The following UACA variants were observed in gnomAD, a reference collection of about 807,000 sequenced individuals.
The protein encoded by UACA is uveal autoantigen with coiled-coil domains and ankyrin repeats.
A neutral mutation model predicts 160.5 loss-of-function variants in UACA; 112 were observed. The ratio of observed to expected loss-of-function variants is 0.70; its 90% CI spans 0.60 to 0.82. The LOEUF (loss-of-function observed/expected upper bound fraction) is 0.82, where lower values mean the gene tolerates loss of function less well. UACA is among the 40% of genes least tolerant of loss of function. The pLI, the probability that UACA is intolerant of heterozygous loss-of-function variation, is 0.00. For missense variants in UACA, 1,574 were observed against 1,614.6 expected (o/e 0.97, Z 0.43); for synonymous variants, 557 against 568.4 (o/e 0.98, Z 0.29).
At chr15:70,702,244 A>G in intron 1 of UACA, 2 of 1,076,778 alleles carry the variant, frequency 1.9e-6, no homozygotes, top group Non-Finnish European at 2.3e-6. Flanking sequence ...CCCCACTGGA[A>G]AACTTGAACA....
chr15:70,670,687 A>AT (rs1897106787), intron 15 of UACA, among the ~76,000 whole-genome samples: 2 of 151,978 alleles, frequency 1.3e-5, no homozygotes. Context: ...AAAAAAAAAA[A>AT]CCAAAAAATT....
rs986340483 is a variant in UACA, at chr15:70,655,706, G to A, written c.*1350C>T. 1.3e-5 allele frequency: 2 copies of A among 152,120 alleles called. No homozygotes were observed. Among genetic ancestry groups the A allele is most frequent in the Non-Finnish European group, 2.9e-5 (2 of 67,974 alleles). The allele number at this position is 152,120 out of a possible 1,614,324, so 9.4% of individuals were successfully genotyped here. A position where few individuals can be genotyped will look rare whatever the true frequency, so the allele number is the denominator to read the frequency against. On this transcript the variant is annotated 3_prime_UTR_variant, in exon 19 of 19. Transcript: ENST00000322954. Reference sequence around the variant, plus strand: ...TGACTTTCAATGTTGTTTCAACACCGAAAAAATATGATGGCTTATTCTTTG... The same window carrying A: ...TGACTTTCAATGTTGTTTCAACACCAAAAAAATATGATGGCTTATTCTTTG...
chr15:70,706,251 A>C lies in UACA; in HGVS notation c.79-6591T>G, dbSNP rs571424268. On this transcript the variant is annotated intron_variant, in intron 1 of 18. Transcript: ENST00000322954. ...TCCTTTCATGGTAAAAATACCCAAA[A>C]AACTGTGACTAGAAGGAAACTGCCT... Among the ~76,000 whole-genome samples the C allele has an allele frequency of 3.3e-5, 5 of 152,224 alleles. No homozygotes were observed. In the South Asian group the frequency reaches 1.0e-3, roughly 32 times the overall value.
rs749916402 is a variant in UACA at position 70,657,146 on chromosome 15, G to A, written c.4180-19C>T. On this transcript the variant is annotated intron_variant, in intron 18 of 18. Coordinates refer to ENST00000322954, the MANE Select transcript of UACA (RefSeq NM_018003.4). Reference sequence around the variant, plus strand: ...TGTGACCCTTCGGAGAAAGAAGAAAGAGGAGCATTATTTTATGTCATCTTT... The same window carrying A: ...TGTGACCCTTCGGAGAAAGAAGAAAAAGGAGCATTATTTTATGTCATCTTT... 1.2e-5 allele frequency: 20 copies of A among 1,603,660 alleles called. 3 individuals carry two copies. In the South Asian group the frequency reaches 1.9e-4, roughly 15 times the overall value.
At chr15:70,777,743 C>T in the UACA span, among the ~76,000 whole-genome samples, 2 of 152,146 alleles carry the variant, frequency 1.3e-5, no homozygotes, top group Non-Finnish European at 2.9e-5. Flanking sequence ...AAAAGTGACT[C>T]ATTGGCTTTA....
intron 11 of UACA, 70 bp downstream of exon 11, chr15:70,678,029 G>T: frequency 8.4e-7 from 1 of 1,189,994 alleles, no homozygotes; most frequent in Non-Finnish European, 1.2e-6. Context: ...ACCTTCTTTA[G>T]CACAATCATT....
rs1897004909 is a variant in UACA, at chr15:70,668,272, T to A, written c.2412A>T (p.Val804=). The A allele has an allele frequency of 6.2e-7, 1 of 1,613,412 alleles. No individual in the cohort carries two copies. Among genetic ancestry groups the A allele is most frequent in the African/African-American group, 1.3e-5 (1 of 74,910 alleles). ...TCTCTTTTTCATGTTTCTCAGGAGGTACAAACACAGTTTCTAGGCGGCTTA... is the reference window on the plus strand; with the variant it reads ...TCTCTTTTTCATGTTTCTCAGGAGGAACAAACACAGTTTCTAGGCGGCTTA... ...KDVSRLETVF[V]PPEKHEKEII... Residue 804 remains valine, a synonymous_variant, in exon 16 of 19, where the codon GTA becomes GTT. Coordinates refer to ENST00000322954, the MANE Select transcript of UACA (RefSeq NM_018003.4).
Position 70,718,028 on chromosome 15 carries a change from T to TACACACACACACACAC in UACA, c.79-18384_79-18369dup, listed in dbSNP as rs140483075. ...CAATTCCTTAAAATAAATTTCTTTA[T>TACACACACACACACAC]ACACACACACACACACACACACACA... On this transcript the variant is annotated intron_variant, in intron 1 of 18. Transcript: ENST00000322954. Among the ~76,000 whole-genome samples, 671 of 142,644 alleles carry TACACACACACACACAC rather than the reference T, an allele frequency of 4.7e-3. 5 individuals carry two copies. Among genetic ancestry groups the TACACACACACACACAC allele is most frequent in the African/African-American group, 0.017 (637 of 37,818 alleles). 93.6% of individuals were successfully genotyped at this position (142,644 alleles called of 152,430 possible).
At chr15:70,659,504 T>C (rs1896625045) in intron 18 of UACA, among the ~76,000 whole-genome samples, 1 of 150,728 alleles carries the variant, frequency 6.6e-6, no homozygotes, top group Non-Finnish European at 1.5e-5. Context: ...TTGTTTCTTT[T>C]AGTACATTTT....
intron 1 of UACA, among the ~76,000 whole-genome samples, chr15:70,742,468 C>G (rs1899566079): frequency 6.6e-6 from 1 of 152,170 alleles, no homozygotes; most frequent in Non-Finnish European, 1.5e-5. Flanking sequence ...TTTTTCACAT[C>G]TAACACTTGA....
chr15:70,740,191 A>C (rs1899486642), intron 1 of UACA, among the ~76,000 whole-genome samples: 2 of 152,144 alleles, frequency 1.3e-5, no homozygotes, highest in Admixed American at 1.3e-4. Context: ...AATACTGTGA[A>C]TCTTATAATA....
intron 17 of UACA, chr15:70,660,928 G>A (rs895420627): frequency 5.9e-5 from 9 of 152,054 alleles, no homozygotes; most frequent in African/African-American, 1.7e-4. Context: ...TTTATCACAG[G>A]TATGTATATC....
upstream of UACA, chr15:70,763,624 C>T: frequency 2.2e-6 from 2 of 921,700 alleles, no homozygotes; most frequent in Non-Finnish European, 2.8e-6. Context: ...GCGTGGCAAA[C>T]CGCGACCAAT....
chr15:70,769,219 G>A, the UACA span, among the ~76,000 whole-genome samples: 14 of 151,172 alleles, frequency 9.3e-5, no homozygotes, highest in South Asian at 4.2e-4. Flanking sequence ...TTAGCCGGGC[G>A]TGATAGCTAC....
intron 1 of UACA, among the ~76,000 whole-genome samples, chr15:70,713,969 A>G (rs1307075871): frequency 2.0e-5 from 3 of 152,184 alleles, no homozygotes; most frequent in African/African-American, 7.2e-5. Flanking sequence ...CAAGAAAAGA[A>G]AGTCTTCTCC....
rs561790568 is a variant in UACA at position 70,718,247 on chromosome 15, G to A, written c.79-18587C>T. Among the ~76,000 whole-genome samples the A allele has an allele frequency of 4.0e-3, 530 of 132,434 alleles. 3 individuals carry two copies. Among genetic ancestry groups the A allele is most frequent in the African/African-American group, 0.014 (501 of 35,596 alleles). 86.9% of individuals were successfully genotyped at this position (132,434 alleles called of 152,430 possible). On this transcript the variant is annotated intron_variant, in intron 1 of 18. Coordinates refer to ENST00000322954, the MANE Select transcript of UACA (RefSeq NM_018003.4). ...TACAAGGTGAGAGAGAGAGACAGAG[G>A]AACGGGGGGGAGGGAGGGGGAGGAG...
chr15:70,724,676 A>G (rs1264961893), intron 1 of UACA, among the ~76,000 whole-genome samples: 2 of 152,170 alleles, frequency 1.3e-5, no homozygotes, highest in African/African-American at 4.8e-5. Flanking sequence ...AAACCAAGGC[A>G]CACTTATAAT....
the UACA span, among the ~76,000 whole-genome samples, chr15:70,772,787 C>T: frequency 6.6e-6 from 1 of 152,076 alleles, no homozygotes; most frequent in Admixed American, 6.6e-5. Flanking sequence ...GGTACTGCAA[C>T]ATTTAGAAAT....
chr15:70,696,251 G>T (rs141611961), intron 2 of UACA, among the ~76,000 whole-genome samples: 2,082 of 152,196 alleles, frequency 0.014, 44 homozygotes, highest in African/African-American at 0.049. Context: ...TTATTCTATA[G>T]AGGATTTAAT....
Sources: gnomAD v4.1 joint callset for allele counts (sites outside exome capture counted in the v4.1 genomes callset) on GRCh38, gnomAD v4.1.1 for gene constraint, MANE v1.5 for transcripts, NCBI Gene and HGNC (gene_info 2026-07-23, HGNC 2026-07-21) for gene names.